FGD4: variants seen among roughly 807,000 people sequenced by gnomAD.
FGD4 encodes the protein FYVE, RhoGEF and PH domain-containing protein 4.
Under a neutral mutation model 102.0 loss-of-function variants are expected in FGD4, and 42 were observed. The ratio of observed to expected loss-of-function variants is 0.41; its 90% CI spans 0.32 to 0.53. FGD4 has a LOEUF of 0.53. Ranked by LOEUF, FGD4 falls within the 20% of genes least tolerant of loss-of-function variation. The pLI is 0.21. For missense variants in FGD4, 902 were observed against 1,078.2 expected (o/e 0.84, Z 2.29); for synonymous variants, 380 against 375.7 (o/e 1.01, Z -0.13).
At chr12:32,584,987 G>A (rs766025129) in intron 4 of FGD4, among the ~76,000 whole-genome samples, 3 of 151,848 alleles carry the variant, frequency 2.0e-5, no homozygotes, top group African/African-American at 4.8e-5. Context: ...TTGGAAGGCC[G>A]AGGTGGGTGG....
At chr12:32,627,468 T>C (rs1317117239) in intron 14 of FGD4, among the ~76,000 whole-genome samples, 2 of 152,116 alleles carry the variant, frequency 1.3e-5, no homozygotes, top group African/African-American at 4.8e-5. Flanking sequence ...TTTGATGCAA[T>C]ATCTGTGTGT....
intron 15 of FGD4, among the ~76,000 whole-genome samples, chr12:32,635,053 A>G (rs772898804): frequency 1.3e-5 from 2 of 152,250 alleles, no homozygotes; most frequent in Non-Finnish European, 2.9e-5. Context: ...TAAGCGTACA[A>G]GTATACCTGT....
At chr12:32,608,859 A>G (rs1057335447) in intron 8 of FGD4, among the ~76,000 whole-genome samples, 3 of 152,186 alleles carry the variant, frequency 2.0e-5, no homozygotes, top group African/African-American at 7.2e-5. Context: ...CGAAGTACGT[A>G]AAACATTTTT....
chr12:32,434,138 A>G (rs548003731), intron 1 of FGD4, among the ~76,000 whole-genome samples: 12 of 152,274 alleles, frequency 7.9e-5, no homozygotes, highest in Non-Finnish European at 1.5e-4. Flanking sequence ...ACAGGCATGA[A>G]CCACTGTGCC....
intron 1 of FGD4, among the ~76,000 whole-genome samples, chr12:32,472,891 G>T (rs937810192): frequency 3.9e-5 from 6 of 152,120 alleles, no homozygotes; most frequent in African/African-American, 1.2e-4. Flanking sequence ...TGAGGACGTG[G>T]AGAACCTTTA....
intron 1 of FGD4, among the ~76,000 whole-genome samples, chr12:32,487,058 T>C (rs11052028): frequency 0.12 from 18,989 of 152,156 alleles, 1,431 homozygotes; most frequent in Middle Eastern, 0.29. Flanking sequence ...TCAGGAAATA[T>C]CCATTTCAGT....
intron 3 of FGD4, among the ~76,000 whole-genome samples, chr12:32,580,377 A>G (rs1271858596): frequency 6.6e-6 from 1 of 152,178 alleles, no homozygotes; most frequent in Non-Finnish European, 1.5e-5. Flanking sequence ...CATCATCATT[A>G]TCATGGTTAT....
At chr12:32,410,221 G>A (rs902803260) in intron 1 of FGD4, among the ~76,000 whole-genome samples, 3 of 151,984 alleles carry the variant, frequency 2.0e-5, no homozygotes, top group Non-Finnish European at 2.9e-5. Context: ...CCAGCTACTC[G>A]GGAGGCTGAG....
chr12:32,412,477 A>C (rs1941246492), intron 1 of FGD4, among the ~76,000 whole-genome samples: 1 of 152,128 alleles, frequency 6.6e-6, no homozygotes, highest in Non-Finnish European at 1.5e-5. Context: ...CTTCAATTGG[A>C]AGTTATGAAA....
chr12:32,480,456 C>T (rs1454627987), intron 1 of FGD4, among the ~76,000 whole-genome samples: 2 of 151,866 alleles, frequency 1.3e-5, no homozygotes, highest in Non-Finnish European at 2.9e-5. Flanking sequence ...GCCACAACGC[C>T]CAACCTGTTT....
rs566628332 is a variant in FGD4 at position 32,645,922 on chromosome 12, A to G, written c.*5389A>G. 1.4e-3 allele frequency: 210 copies of G among 152,344 alleles called. No homozygotes were observed. Among genetic ancestry groups the G allele is most frequent in the African/African-American group, 4.9e-3 (203 of 41,576 alleles). 9.4% of individuals were successfully genotyped at this position (152,344 alleles called of 1,614,324 possible). A position where few individuals can be genotyped will look rare whatever the true frequency, so the allele number is the denominator to read the frequency against. On this transcript the variant is annotated 3_prime_UTR_variant, in exon 17 of 17. Coordinates refer to ENST00000534526, the MANE Select transcript of FGD4 (RefSeq NM_001370298.3). ...AATGTAAAATACTTGCAGATAATGT[A>G]TATATTGTGTAATATATGTATATTT...
intron 2 of FGD4, among the ~76,000 whole-genome samples, chr12:32,570,278 T>C (rs1255852614): frequency 4.0e-5 from 6 of 150,908 alleles, no homozygotes; most frequent in East Asian, 3.9e-4. Context: ...GCTAAAATTC[T>C]AGTCAATCTG....
rs187773096 is a variant in FGD4, at chr12:32,485,250, T to C, written c.167-78887T>C. Reference sequence around the variant, plus strand: ...CTCTTTTAAAAACCTGACTTGTTTTTATATAGAAATTACTTGGGATTGCTA... The same window carrying C: ...CTCTTTTAAAAACCTGACTTGTTTTCATATAGAAATTACTTGGGATTGCTA... On this transcript the variant is annotated intron_variant, in intron 1 of 16. Transcript: ENST00000534526. Among the ~76,000 whole-genome samples, 74 of 152,292 alleles carry C rather than the reference T, an allele frequency of 4.9e-4. 2 individuals are homozygous for C. Among genetic ancestry groups the C allele is most frequent in the Middle Eastern group, 3.4e-3 (1 of 294 alleles).
At chr12:32,605,584 C>G (rs2136696096) in intron 7 of FGD4, among the ~76,000 whole-genome samples, 1 of 152,302 alleles carries the variant, frequency 6.6e-6, no homozygotes, top group East Asian at 1.9e-4. Flanking sequence ...GTACAAACAG[C>G]TGAGCATGTG....
chr12:32,434,778 T>C (rs1046084987), intron 1 of FGD4, among the ~76,000 whole-genome samples: 2 of 152,220 alleles, frequency 1.3e-5, no homozygotes, highest in Admixed American at 1.3e-4. Context: ...GATGCAAAAA[T>C]CTACACAATG....
At chr12:32,446,015 AAGTT>A (rs1565744992) in intron 1 of FGD4, among the ~76,000 whole-genome samples, 1 of 151,988 alleles carries the variant, frequency 6.6e-6, no homozygotes, top group Non-Finnish European at 1.5e-5. Flanking sequence ...AAAATACAAA[AAGTT>A]AGCCCGGTGT....
rs1258891220 is a variant in FGD4, at chr12:32,643,779, T to A, written c.*3246T>A. 1 of 152,080 alleles carries A rather than the reference T, an allele frequency of 6.6e-6. No individual in the cohort carries two copies. Among genetic ancestry groups the A allele is most frequent in the Non-Finnish European group, 1.5e-5 (1 of 67,946 alleles). The allele number at this position is 152,080 out of a possible 1,614,324, so 9.4% of individuals were successfully genotyped here. ...TTCTTTGATGCCTTCTAAAAACTTT[T>A]GTCAAAAATACTTTTGAGTTCACAA... On this transcript the variant is annotated 3_prime_UTR_variant, in exon 17 of 17. Coordinates refer to ENST00000534526, the MANE Select transcript of FGD4 (RefSeq NM_001370298.3).
chr12:32,545,799 C>T (rs927826580), intron 1 of FGD4, among the ~76,000 whole-genome samples: 72 of 152,158 alleles, frequency 4.7e-4, no homozygotes, highest in Admixed American at 1.3e-3. Flanking sequence ...CAGCTCTTAA[C>T]GTTTTTCTGT....
In FGD4 at chr12:32,413,133, G is replaced by A. The variant is rs372002574; in HGVS notation, c.166+13174G>A. The stretch of plus-strand genomic sequence containing the variant: ...TTTGATTAAAAATAATTACCAACAG[G>A]GTGGGGGCTAGGGGAGGGATAGCTT... On this transcript the variant is annotated intron_variant, in intron 1 of 16. Coordinates refer to ENST00000534526, the MANE Select transcript of FGD4 (RefSeq NM_001370298.3). 1.5e-4 allele frequency among the ~76,000 whole-genome samples: 23 copies of A among 151,718 alleles called. No individual in the cohort carries two copies. In the East Asian group the frequency reaches 2.7e-3, roughly 18 times the overall value.
Sources: gnomAD v4.1 joint callset for allele counts (sites outside exome capture counted in the v4.1 genomes callset) on GRCh38, gnomAD v4.1.1 for gene constraint, MANE v1.5 for transcripts, NCBI Gene and HGNC (gene_info 2026-07-23, HGNC 2026-07-21) for gene names.